SHISA9: variants seen among roughly 807,000 people sequenced by gnomAD.
SHISA9 encodes shisa family member 9.
In SHISA9, 13 loss-of-function variants were observed where a neutral mutation model predicts 38.0. The observed-to-expected ratio is 0.34, with a 90% CI of 0.22 to 0.54. The LOEUF is 0.54. SHISA9 is among the 20% of genes least tolerant of loss of function. SHISA9 has a pLI of 0.91. For missense variants in SHISA9, 538 were observed against 575.8 expected (o/e 0.93, Z 0.67); for synonymous variants, 275 against 242.0 (o/e 1.14, Z -1.27).
intron 2 of SHISA9, among the ~76,000 whole-genome samples, chr16:13,051,358 C>T (rs1207587662): frequency 6.6e-5 from 10 of 152,124 alleles, no homozygotes; most frequent in African/African-American, 2.4e-4. Context: ...GGAAACCACC[C>T]CGATGATGCA....
At chr16:13,422,433 T>G in the SHISA9 span, among the ~76,000 whole-genome samples, 1 of 152,190 alleles carries the variant, frequency 6.6e-6, no homozygotes, top group African/African-American at 2.4e-5. Context: ...TGGTGGCTCA[T>G]GCCTGCAATC....
intron 2 of SHISA9, among the ~76,000 whole-genome samples, chr16:13,190,685 T>C (rs1050659571): frequency 1.3e-5 from 2 of 152,222 alleles, no homozygotes; most frequent in Non-Finnish European, 2.9e-5. Context: ...TAGACTGTTA[T>C]CTATTTGCAG....
At chr16:13,332,495 T>C in the SHISA9 span, 5 of 152,178 alleles carry the variant, frequency 3.3e-5, no homozygotes, top group African/African-American at 1.2e-4. Flanking sequence ...ATAACTCTAA[T>C]TGGCTAGAGG....
chr16:13,167,549 G>A (rs2050648527), intron 2 of SHISA9, among the ~76,000 whole-genome samples: 1 of 152,192 alleles, frequency 6.6e-6, no homozygotes, highest in Admixed American at 6.5e-5. Flanking sequence ...TGGAGGTGGG[G>A]CCTGGTGAGA....
At chr16:13,142,235 G>A (rs954932819) in intron 2 of SHISA9, among the ~76,000 whole-genome samples, 10 of 152,244 alleles carry the variant, frequency 6.6e-5, no homozygotes, top group Admixed American at 1.3e-4. Context: ...GGAATGGGGC[G>A]TCTAGCAGGC....
chr16:13,560,692 A>G, the SHISA9 span, among the ~76,000 whole-genome samples: 36 of 151,778 alleles, frequency 2.4e-4, no homozygotes, highest in African/African-American at 8.2e-4. Context: ...CAGGTAATTC[A>G]TAACAGTTGG....
intron 2 of SHISA9, among the ~76,000 whole-genome samples, chr16:13,101,727 A>G (rs1266475946): frequency 6.6e-6 from 1 of 152,198 alleles, no homozygotes; most frequent in Non-Finnish European, 1.5e-5. Context: ...TAGCTGTACT[A>G]ATTTCTATTC....
chr16:13,363,551 C>G, the SHISA9 span, among the ~76,000 whole-genome samples: 1 of 152,070 alleles, frequency 6.6e-6, no homozygotes, highest in Non-Finnish European at 1.5e-5. Context: ...GTATTCTGGA[C>G]ACATGAAAAA....
At chr16:13,024,141 A>C (rs2072891892) in intron 2 of SHISA9, among the ~76,000 whole-genome samples, 1 of 152,234 alleles carries the variant, frequency 6.6e-6, no homozygotes, top group Non-Finnish European at 1.5e-5. Context: ...AGAGAAGTTC[A>C]GAGAAGGTAT....
intron 2 of SHISA9, among the ~76,000 whole-genome samples, chr16:12,945,376 G>A (rs2071675382): frequency 1.3e-5 from 2 of 152,204 alleles, no homozygotes; most frequent in Middle Eastern, 3.4e-3. Context: ...AATGGGAATG[G>A]ATATTTCGTT....
chr16:13,495,954 A>G, the SHISA9 span, among the ~76,000 whole-genome samples: 1 of 152,310 alleles, frequency 6.6e-6, no homozygotes, highest in East Asian at 1.9e-4. Flanking sequence ...AAGATTCAGC[A>G]TACCACTAGC....
At chr16:13,310,302 C>CTT in the SHISA9 span, among the ~76,000 whole-genome samples, 2 of 149,546 alleles carry the variant, frequency 1.3e-5, no homozygotes, top group African/African-American at 2.5e-5. Flanking sequence ...TAAAAAGCTG[C>CTT]TTTTTTTTTT....
chr16:13,420,391 G>T, the SHISA9 span, among the ~76,000 whole-genome samples: 1 of 151,498 alleles, frequency 6.6e-6, no homozygotes, highest in Non-Finnish European at 1.5e-5. Context: ...AAAGCTTCCA[G>T]CCTAGGAGTA....
the SHISA9 span, among the ~76,000 whole-genome samples, chr16:13,451,556 G>A: frequency 6.6e-6 from 1 of 152,224 alleles, no homozygotes. Context: ...TGGTGATCAT[G>A]AAAAGTGGCC....
chr16:12,936,920 G>C (rs939450559), intron 2 of SHISA9, among the ~76,000 whole-genome samples: 1 of 152,114 alleles, frequency 6.6e-6, no homozygotes, highest in African/African-American at 2.4e-5. Flanking sequence ...CACACAGCAC[G>C]GGTTGGCTAG....
chr16:13,233,256 G>A lies in SHISA9; in HGVS notation c.896-1774G>A, dbSNP rs78420422. 9.4e-3 allele frequency among the ~76,000 whole-genome samples: 1,428 copies of A among 151,950 alleles called. 23 individuals carry two copies. Among genetic ancestry groups the A allele is most frequent in the African/African-American group, 0.033 (1,377 of 41,438 alleles). ...GAGCTTAGTCCTCAAAAGAAAGAACGAGAAAGAGAAGTAAAAATGAAGGAA... is the reference window on the plus strand; with the variant it reads ...GAGCTTAGTCCTCAAAAGAAAGAACAAGAAAGAGAAGTAAAAATGAAGGAA... On this transcript the variant is annotated intron_variant, in intron 4 of 4. Transcript: ENST00000558583.
chr16:13,095,489 ATGG>A lies in SHISA9; in HGVS notation c.692-107897_692-107895del, dbSNP rs2073816060. Among the ~76,000 whole-genome samples, 7 of 152,194 alleles carry A rather than the reference ATGG, an allele frequency of 4.6e-5. No homozygotes were observed. The South Asian group carries it at 1.4e-3, about 31-fold the overall frequency. ...TAGGGAAGGGAAAACGAAAAGGGAA[ATGG>A]TGGTGGTTAGGGGTGGCTTCCAGTA... On this transcript the variant is annotated intron_variant, in intron 2 of 4. Coordinates refer to ENST00000558583, the MANE Select transcript of SHISA9 (RefSeq NM_001145204.3).
chr16:13,367,712 G>GCGCGCGCGCACACACA, the SHISA9 span, among the ~76,000 whole-genome samples: 3 of 104,640 alleles, frequency 2.9e-5, no homozygotes, highest in African/African-American at 1.0e-4. Context: ...GCGCGCGCGC[G>GCGCGCGCGCACACACA]CACACACACA....
At chr16:13,480,528 A>G in the SHISA9 span, among the ~76,000 whole-genome samples, 2 of 152,154 alleles carry the variant, frequency 1.3e-5, no homozygotes, top group African/African-American at 4.8e-5. Context: ...CATCTATCTC[A>G]GAACAATTGG....
Sources: gnomAD v4.1 joint callset for allele counts (sites outside exome capture counted in the v4.1 genomes callset) on GRCh38, gnomAD v4.1.1 for gene constraint, MANE v1.5 for transcripts, NCBI Gene and HGNC (gene_info 2026-07-23, HGNC 2026-07-21) for gene names.